UBE2H: variants seen among roughly 807,000 people sequenced by gnomAD.
UBE2H encodes ubiquitin conjugating enzyme E2 H.
A neutral mutation model predicts 29.0 loss-of-function variants in UBE2H; 3 were observed. That is an observed-to-expected ratio of 0.10 (90% CI 0.05 to 0.27). UBE2H has a LOEUF of 0.27. Among genes scored for constraint, UBE2H ranks in the 10% least tolerant of loss-of-function variants. The probability of loss-of-function intolerance (pLI) is 1.00; values close to 1 mark genes in which losing one functional copy is unlikely to be tolerated. For synonymous variants in UBE2H, 69 were observed against 82.9 expected (o/e 0.83, Z 0.91); for missense variants, 68 against 228.2 (o/e 0.30, Z 4.52).
chr7:129,912,137 T>C (rs1276361045), intron 1 of UBE2H, among the ~76,000 whole-genome samples: 1 of 152,150 alleles, frequency 6.6e-6, no homozygotes. Context: ...TTTTTGTAAA[T>C]AAAGTTTTAC....
intron 1 of UBE2H, among the ~76,000 whole-genome samples, chr7:129,928,916 T>C (rs1047895610): frequency 3.9e-5 from 6 of 152,366 alleles, no homozygotes; most frequent in East Asian, 1.9e-4. Context: ...AATTCTAGCA[T>C]TGAAATCTAG....
chr7:129,865,191 C>G, intron 3 of UBE2H: 1 of 311,038 alleles, frequency 3.2e-6, no homozygotes, highest in Non-Finnish European at 6.4e-6. Context: ...TACTCAACTG[C>G]TCTAGAATAA....
At chr7:129,889,967 C>CA (rs1194892612) in intron 1 of UBE2H, among the ~76,000 whole-genome samples, 6 of 151,928 alleles carry the variant, frequency 3.9e-5, no homozygotes, top group East Asian at 1.9e-4. Flanking sequence ...CCCATCACTA[C>CA]AAAAAACACC....
chr7:129,877,241 T>C (rs1806164290), intron 3 of UBE2H, among the ~76,000 whole-genome samples: 1 of 152,294 alleles, frequency 6.6e-6, no homozygotes, highest in East Asian at 1.9e-4. Context: ...AGCTGATTGT[T>C]TAAAAGCTCA....
chr7:129,915,645 G>A (rs1272540817), intron 1 of UBE2H, among the ~76,000 whole-genome samples: 1 of 152,166 alleles, frequency 6.6e-6, no homozygotes, highest in Non-Finnish European at 1.5e-5. Flanking sequence ...AGAGCACTAG[G>A]AAGAAACACT....
At chr7:129,876,265 T>C (rs575406898) in intron 3 of UBE2H, among the ~76,000 whole-genome samples, 1 of 152,264 alleles carries the variant, frequency 6.6e-6, no homozygotes, top group East Asian at 1.9e-4. Flanking sequence ...CAGCTGCATA[T>C]CTCTCTCATG....
At chr7:129,855,138 C>G (rs1051942306) in intron 5 of UBE2H, among the ~76,000 whole-genome samples, 3 of 152,182 alleles carry the variant, frequency 2.0e-5, no homozygotes, top group African/African-American at 7.2e-5. Context: ...GAATTACACA[C>G]TTTAAATGGG....
intron 3 of UBE2H, among the ~76,000 whole-genome samples, chr7:129,870,888 T>C (rs1806017080): frequency 6.6e-6 from 1 of 152,304 alleles, no homozygotes; most frequent in Non-Finnish European, 1.5e-5. Flanking sequence ...TTTACCCAGT[T>C]TTCCAGGCTG....
At chr7:129,927,748 G>A (rs1000954891) in intron 1 of UBE2H, among the ~76,000 whole-genome samples, 1 of 152,112 alleles carries the variant, frequency 6.6e-6, no homozygotes, top group East Asian at 1.9e-4. Context: ...TCACTCATAC[G>A]TGGGAGCTAA....
intron 1 of UBE2H, 36 bp downstream of exon 1, chr7:129,952,467 C>T (rs369732926): frequency 6.2e-7 from 1 of 1,607,832 alleles, no homozygotes; most frequent in South Asian, 1.1e-5. Context: ...ACACCGCCCC[C>T]CACACACAGC....
intron 1 of UBE2H, among the ~76,000 whole-genome samples, chr7:129,900,751 CTTT>C (rs71704122): frequency 1.4e-4 from 19 of 133,822 alleles, no homozygotes; most frequent in Non-Finnish European, 1.7e-4. Context: ...TTTCTTTTTC[CTTT>C]TTTTTTTTTT....
At chr7:129,930,179 G>C (rs2116491428) in intron 1 of UBE2H, among the ~76,000 whole-genome samples, 1 of 150,524 alleles carries the variant, frequency 6.6e-6, no homozygotes, top group African/African-American at 2.4e-5. Context: ...ATTTTTTTTT[G>C]CGATGGGGTT....
chr7:129,874,139 T>C (rs1276329586), intron 3 of UBE2H, among the ~76,000 whole-genome samples: 2 of 152,144 alleles, frequency 1.3e-5, no homozygotes, highest in African/African-American at 2.4e-5. Context: ...TAGTAGCCAA[T>C]AATCATTTAA....
intron 1 of UBE2H, among the ~76,000 whole-genome samples, chr7:129,913,267 A>C (rs1806976679): frequency 6.6e-6 from 1 of 151,868 alleles, no homozygotes; most frequent in Non-Finnish European, 1.5e-5. Context: ...AAAAAAAAAA[A>C]AAAAGAGTAC....
intron 1 of UBE2H, among the ~76,000 whole-genome samples, chr7:129,886,970 A>T (rs983928549): frequency 2.6e-5 from 4 of 152,064 alleles, no homozygotes; most frequent in African/African-American, 9.7e-5. Flanking sequence ...TAGAAGAAAC[A>T]GTAGAGGGCC....
intron 6 of UBE2H, among the ~76,000 whole-genome samples, chr7:129,835,414 C>T (rs1805304341): frequency 6.6e-6 from 1 of 152,152 alleles, no homozygotes; most frequent in African/African-American, 2.4e-5. Context: ...AGTATAGGAC[C>T]AGTCATGATT....
At chr7:129,879,010 G>A (rs1311207790) in intron 3 of UBE2H, among the ~76,000 whole-genome samples, 2 of 152,182 alleles carry the variant, frequency 1.3e-5, no homozygotes, top group African/African-American at 2.4e-5. Flanking sequence ...AAGGTAAAAG[G>A]AGATGAAGGT....
intron 1 of UBE2H, among the ~76,000 whole-genome samples, chr7:129,928,218 T>C (rs1408879267): frequency 1.3e-5 from 2 of 151,670 alleles, no homozygotes; most frequent in Non-Finnish European, 2.9e-5. Flanking sequence ...GTAGTCCACT[T>C]GGGAGGCTGA....
At chr7:129,948,463 A>T (rs2116535553) in intron 1 of UBE2H, among the ~76,000 whole-genome samples, 1 of 152,326 alleles carries the variant, frequency 6.6e-6, no homozygotes, top group Non-Finnish European at 1.5e-5. Context: ...AGGGAAGCTG[A>T]CATTTCTGCC....
Sources: allele counts gnomAD v4.1 joint callset (sites outside exome capture counted in the v4.1 genomes callset), GRCh38; gene constraint gnomAD v4.1.1; transcripts MANE v1.5; gene names NCBI Gene and HGNC (gene_info 2026-07-23, HGNC 2026-07-21).